Variants in WWOX observed in about 807,000 individuals in gnomAD.
WWOX encodes WW domain-containing oxidoreductase.
In WWOX, 69 loss-of-function variants were observed where a neutral mutation model predicts 46.2. That is an observed-to-expected ratio of 1.49 (90% CI 1.23 to 1.82). WWOX has a LOEUF of 1.82. Ranked by LOEUF, WWOX falls within the 40% of genes most tolerant of loss-of-function variation. The pLI, the probability that WWOX is intolerant of heterozygous loss-of-function variation, is 0.00. For synonymous variants in WWOX, 359 were observed against 202.6 expected (o/e 1.77, Z -6.56); for missense variants, 919 against 542.6 (o/e 1.69, Z -6.89).
chr16:78,460,058 C>T (rs1311280170), intron 8 of WWOX, among the ~76,000 whole-genome samples: 2 of 152,032 alleles, frequency 1.3e-5, no homozygotes, highest in African/African-American at 2.4e-5. Flanking sequence ...CCGCCCACCT[C>T]GGCCTCCCAA....
chr16:78,808,291 C>A (rs1008241441), intron 8 of WWOX, among the ~76,000 whole-genome samples: 2 of 152,196 alleles, frequency 1.3e-5, no homozygotes, highest in African/African-American at 4.8e-5. Context: ...GATCCGTTTG[C>A]AACCCAGGAA....
Position 78,463,226 on chromosome 16 carries a change from G to T in WWOX, c.1056+30474G>T, listed in dbSNP as rs201023870. On this transcript the variant is annotated intron_variant, in intron 8 of 8. Transcript: ENST00000566780. ...ACTTGAGCTTGGCATTTTTCTTAAC[G>T]CAGGGCTATTTTAGGTGCACTGCGC... is the stretch of plus-strand genomic sequence containing the variant. 2.6e-5 allele frequency among the ~76,000 whole-genome samples: 4 copies of T among 152,276 alleles called. No individual in the cohort carries two copies. The East Asian group carries it at 7.7e-4, about 29-fold the overall frequency.
At chr16:79,120,811 C>T (rs950925180) in intron 8 of WWOX, among the ~76,000 whole-genome samples, 1 of 152,152 alleles carries the variant, frequency 6.6e-6, no homozygotes, top group Non-Finnish European at 1.5e-5. Context: ...CTCTGTTGCC[C>T]CGGCTGGAGT....
chr16:79,014,163 A>T (rs2047367212), intron 8 of WWOX, among the ~76,000 whole-genome samples: 1 of 152,160 alleles, frequency 6.6e-6, no homozygotes, highest in African/African-American at 2.4e-5. Context: ...GGTCCTATTT[A>T]AGGAAGGCCC....
chr16:78,850,228 C>G (rs1018878530), intron 8 of WWOX, among the ~76,000 whole-genome samples: 4 of 152,014 alleles, frequency 2.6e-5, no homozygotes, highest in Non-Finnish European at 5.9e-5. Flanking sequence ...AATAACTAGC[C>G]AATGTGTCAT....
intron 8 of WWOX, among the ~76,000 whole-genome samples, chr16:79,096,479 T>A (rs1475870791): frequency 6.6e-6 from 1 of 152,090 alleles, no homozygotes; most frequent in Non-Finnish European, 1.5e-5. Flanking sequence ...CCCCTCCTGG[T>A]TATCCCACTC....
intron 8 of WWOX, among the ~76,000 whole-genome samples, chr16:78,963,530 C>G (rs1206497909): frequency 1.3e-5 from 2 of 152,152 alleles, no homozygotes; most frequent in African/African-American, 4.8e-5. Flanking sequence ...TCGCTTCACT[C>G]CTAAACACTT....
At chr16:79,147,253 G>C (rs1042754075) in intron 8 of WWOX, among the ~76,000 whole-genome samples, 4 of 152,078 alleles carry the variant, frequency 2.6e-5, no homozygotes, top group African/African-American at 4.8e-5. Flanking sequence ...CCTTCCTTCT[G>C]CGCCTGCCTC....
chr16:78,175,664 C>T (rs1334709229), intron 5 of WWOX, among the ~76,000 whole-genome samples: 2 of 152,140 alleles, frequency 1.3e-5, no homozygotes, highest in Admixed American at 6.5e-5. Context: ...TGACTGAGGC[C>T]CTGGCTGATT....
chr16:78,539,118 C>T (rs2043826760), intron 8 of WWOX, among the ~76,000 whole-genome samples: 1 of 152,212 alleles, frequency 6.6e-6, no homozygotes, highest in African/African-American at 2.4e-5. Flanking sequence ...TTGTGCCTGC[C>T]TGTCTGTAGG....
chr16:79,059,252 T>G (rs2048318284), intron 8 of WWOX, among the ~76,000 whole-genome samples: 1 of 152,206 alleles, frequency 6.6e-6, no homozygotes, highest in Non-Finnish European at 1.5e-5. Flanking sequence ...AATGCTCTGT[T>G]TAACCATAAA....
chr16:78,182,297 G>A (rs141375544), intron 5 of WWOX, among the ~76,000 whole-genome samples: 1 of 152,226 alleles, frequency 6.6e-6, no homozygotes, highest in African/African-American at 2.4e-5. Context: ...CCAAGTGCTG[G>A]CAAAGAAAAG....
intron 8 of WWOX, among the ~76,000 whole-genome samples, chr16:79,200,940 G>T (rs1239679521): frequency 6.6e-6 from 1 of 152,164 alleles, no homozygotes; most frequent in Non-Finnish European, 1.5e-5. Context: ...GATAATCAGA[G>T]TTATAGCTGC....
At chr16:78,528,246 T>C (rs910256269) in intron 8 of WWOX, among the ~76,000 whole-genome samples, 6 of 145,542 alleles carry the variant, frequency 4.1e-5, no homozygotes, top group African/African-American at 1.3e-4. Flanking sequence ...GGTCTGCTGA[T>C]CTCGTAATCC....
chr16:78,644,282 T>A (rs2046789941), intron 8 of WWOX, among the ~76,000 whole-genome samples: 1 of 152,106 alleles, frequency 6.6e-6, no homozygotes, highest in African/African-American at 2.4e-5. Flanking sequence ...CTCCCCACCC[T>A]AAGCATCTGA....
At chr16:78,114,695 C>A (rs566611836) in intron 3 of WWOX, among the ~76,000 whole-genome samples, 3 of 152,132 alleles carry the variant, frequency 2.0e-5, no homozygotes, top group Admixed American at 6.5e-5. Flanking sequence ...TCTCAAGAAG[C>A]CTTTTTTGAG....
intron 8 of WWOX, among the ~76,000 whole-genome samples, chr16:78,889,894 A>G (rs1343475939): frequency 2.0e-5 from 3 of 152,304 alleles, no homozygotes; most frequent in Middle Eastern, 6.8e-3. Context: ...CTATTAATGT[A>G]AACTCCCACT....
At chr16:78,772,627 C>A (rs1482877551) in intron 8 of WWOX, among the ~76,000 whole-genome samples, 1 of 152,164 alleles carries the variant, frequency 6.6e-6, no homozygotes, top group South Asian at 2.1e-4. Flanking sequence ...ATTGTTATTA[C>A]CAGCATGGCT....
intron 8 of WWOX, among the ~76,000 whole-genome samples, chr16:78,530,432 G>C (rs989411056): frequency 6.6e-6 from 1 of 152,186 alleles, no homozygotes; most frequent in Non-Finnish European, 1.5e-5. Flanking sequence ...AGAAGACAAA[G>C]CAGGAAGGTA....
Sources: allele counts gnomAD v4.1 joint callset (sites outside exome capture counted in the v4.1 genomes callset), GRCh38; gene constraint gnomAD v4.1.1; transcripts MANE v1.5; gene names NCBI Gene and HGNC (gene_info 2026-07-23, HGNC 2026-07-21).